The following DGKH variants were observed in gnomAD, a reference collection of about 807,000 sequenced individuals.
The protein encoded by DGKH is DAG kinase eta.
A neutral mutation model predicts 159.3 loss-of-function variants in DGKH; 90 were observed. The observed-to-expected ratio is 0.57, with a 90% CI of 0.48 to 0.67. The LOEUF is 0.67. DGKH is among the 30% of genes least tolerant of loss of function. The pLI is 0.00. For synonymous variants in DGKH, 536 were observed against 553.8 expected (o/e 0.97, Z 0.45); for missense variants, 1,181 against 1,506.1 (o/e 0.78, Z 3.57).
chr13:42,042,494 A>T (rs187560980), intron 1 of DGKH, among the ~76,000 whole-genome samples: 118 of 152,348 alleles, frequency 7.7e-4, no homozygotes, highest in Non-Finnish European at 1.5e-3. Context: ...CCCTAACATA[A>T]ATGTGTGAAT....
At chr13:42,165,005 T>C (rs1176445485) in intron 7 of DGKH, among the ~76,000 whole-genome samples, 1 of 152,076 alleles carries the variant, frequency 6.6e-6, no homozygotes, top group Non-Finnish European at 1.5e-5. Context: ...TTCTTCCTTT[T>C]CCCCTTCTTT....
At chr13:42,256,464 A>G in exon 31 of DGKH, 1 of 1,443,640 alleles carries the variant, frequency 6.9e-7, no homozygotes, top group Non-Finnish European at 9.7e-7. Context: ...ACTGTTATTG[A>G]ACTTGGCTAT....
At chr13:42,049,285 C>G (rs1440258608) in intron 1 of DGKH, among the ~76,000 whole-genome samples, 2 of 152,050 alleles carry the variant, frequency 1.3e-5, no homozygotes, top group African/African-American at 4.8e-5. Flanking sequence ...CCAGGGAGTT[C>G]GACTGGCAGA....
In DGKH at chr13:42,048,810, G is replaced by A; in HGVS notation, c.37G>A (p.Ala13Thr). The change falls in exon 1 of 30, where the codon GCC becomes ACC. Residue 13 changes from alanine (A) to threonine (T), a missense_variant. Transcript: ENST00000337343. This position sits in a 1 kb window ranked among gnomAD's most constrained non-coding sequence, Gnocchi z 6.7. ...CGGAGGCCAGCACCACCCTCCGGGC[G>A]CCGCTGGAGGAGCGGCCGCCGGAGC... The part of the protein sequence containing the change: ...GAGGQHHPPG[A>T]AGGAAAGAGA... 7.6e-7 allele frequency: 1 copy of A among 1,323,070 alleles called. No individual in the cohort carries two copies. Among genetic ancestry groups the A allele is most frequent in the Non-Finnish European group, 9.7e-7 (1 of 1,032,404 alleles). The allele number at this position is 1,323,070 out of a possible 1,614,324, so 82.0% of individuals were successfully genotyped here.
At chr13:42,222,147 C>T (rs972993405) in intron 29 of DGKH, among the ~76,000 whole-genome samples, 1 of 152,174 alleles carries the variant, frequency 6.6e-6, no homozygotes, top group African/African-American at 2.4e-5. Flanking sequence ...GAAGTAGGCT[C>T]TCTGGCCAAG....
At position 42,171,556 on chromosome 13, in the gene DGKH, C is replaced by G. The variant is rs530016403; in HGVS notation, c.1368-2504C>G. On this transcript the variant is annotated intron_variant, in intron 11 of 29. Coordinates refer to ENST00000337343, the MANE Select transcript of DGKH (RefSeq NM_178009.5). ...TCAGACATTTGGATGGATTTATTTA[C>G]CATTTATTTAACTGTCTTTGACCAG... Among the ~76,000 whole-genome samples the G allele has an allele frequency of 9.2e-5, 14 of 152,282 alleles. No homozygotes were observed. The South Asian group carries it at 1.0e-3, about 11-fold the overall frequency.
Position 42,070,507 on chromosome 13 carries a change from C to T in DGKH, c.192+21542C>T, listed in dbSNP as rs74050222. On this transcript the variant is annotated intron_variant, in intron 1 of 29. Coordinates refer to ENST00000337343, the MANE Select transcript of DGKH (RefSeq NM_178009.5). ...AAAGTAAAAGACATGGAGATCTGTA[C>T]CATTTAGTAACCAATCCTTCAAAAG... The T allele has an allele frequency of 4.6e-3, 6,043 of 1,307,868 alleles. 191 individuals carry two copies. In the African/African-American group the frequency reaches 0.072, roughly 16 times the overall value. 81.0% of individuals were successfully genotyped at this position (1,307,868 alleles called of 1,614,324 possible).
intron 1 of DGKH, among the ~76,000 whole-genome samples, chr13:42,083,928 C>T (rs1466299976): frequency 6.6e-6 from 1 of 152,104 alleles, no homozygotes; most frequent in Non-Finnish European, 1.5e-5. Context: ...ATGAACGACA[C>T]GGGGATGGGC....
chr13:42,201,796 G>A (rs1037268), intron 20 of DGKH, among the ~76,000 whole-genome samples: 19,319 of 151,956 alleles, frequency 0.13, 1,625 homozygotes, highest in Admixed American at 0.22. Context: ...GTGTTTCATC[G>A]TTACCGTATC....
chr13:42,050,303 G>A (rs61959192), intron 1 of DGKH, among the ~76,000 whole-genome samples: 55,632 of 152,044 alleles, frequency 0.37, 11,138 homozygotes, highest in African/African-American at 0.54. Context: ...CCCGGGAGGC[G>A]GAGGTTGTGG....
chr13:42,244,185 C>T (rs1218521905), downstream of DGKH, among the ~76,000 whole-genome samples: 1 of 152,074 alleles, frequency 6.6e-6, no homozygotes, highest in Admixed American at 6.6e-5. Flanking sequence ...GAGAGAGGTA[C>T]GGGAGGGAAA....
chr13:42,169,847 G>C (rs1193413614), intron 11 of DGKH, among the ~76,000 whole-genome samples: 1 of 152,078 alleles, frequency 6.6e-6, no homozygotes, highest in East Asian at 1.9e-4. Context: ...GTGCATAAAA[G>C]TTTATAATCT....
At chr13:42,120,871 T>G (rs1955054354) in intron 1 of DGKH, among the ~76,000 whole-genome samples, 1 of 152,152 alleles carries the variant, frequency 6.6e-6, no homozygotes, top group Admixed American at 6.5e-5. Context: ...TATTCACAAC[T>G]TTCAACAGAT....
chr13:42,251,273 C>A (rs1958618522), intron 29 of DGKH, among the ~76,000 whole-genome samples: 1 of 152,052 alleles, frequency 6.6e-6, no homozygotes, highest in South Asian at 2.1e-4. Flanking sequence ...CCCAGGAGTT[C>A]AAGACCAGCG....
rs1594117136 is a variant in DGKH, at chr13:42,160,095, C to T, written c.814C>T (p.Leu272Phe). Reference sequence around the variant, plus strand: ...CTGCGACAAAACATGTGGCAGTGTTCTCCGTCTACAGGATTGGAAATGCCT... The same window carrying T: ...CTGCGACAAAACATGTGGCAGTGTTTTCCGTCTACAGGATTGGAAATGCCT... ...AVCDKTCGSV[L>F]RLQDWKCLWC... The change falls in exon 7 of 30, where the codon CTC becomes TTC. Residue 272 changes from leucine (L) to phenylalanine (F), a missense_variant. Physicochemically the swap from Leu to Phe is conservative, Grantham distance 22 (BLOSUM62 0). Coordinates refer to ENST00000337343, the MANE Select transcript of DGKH (RefSeq NM_178009.5). The T allele has an allele frequency of 1.2e-6, 2 of 1,614,236 alleles. No homozygotes were observed. Among genetic ancestry groups the T allele is most frequent in the Non-Finnish European group, 1.7e-6 (2 of 1,180,050 alleles).
chr13:42,040,191 G>T (rs1017184257), intron 1 of DGKH: 1 of 152,336 alleles, frequency 6.6e-6, no homozygotes, highest in African/African-American at 2.4e-5. Flanking sequence ...CCTGCAGCGC[G>T]GGCCGCCAGC....
At chr13:42,140,005 T>C (rs1955502429) in intron 3 of DGKH, among the ~76,000 whole-genome samples, 1 of 152,188 alleles carries the variant, frequency 6.6e-6, no homozygotes, top group African/African-American at 2.4e-5. Flanking sequence ...ACAATCTTCT[T>C]AGAACTTGAG....
intron 3 of DGKH, among the ~76,000 whole-genome samples, chr13:42,131,385 G>A (rs934348662): frequency 2.6e-5 from 4 of 152,198 alleles, no homozygotes; most frequent in Non-Finnish European, 5.9e-5. Context: ...TGATTGCTGA[G>A]TAAGCTGACG....
chr13:42,169,462 C>T (rs927659766), intron 11 of DGKH, among the ~76,000 whole-genome samples: 1 of 152,076 alleles, frequency 6.6e-6, no homozygotes. Flanking sequence ...GTGTACCCTG[C>T]GTGTTATGGA....
Sources: allele counts gnomAD v4.1 joint callset (sites outside exome capture counted in the v4.1 genomes callset), GRCh38; gene constraint gnomAD v4.1.1; non-coding constraint Gnocchi (gnomAD v3.1); transcripts MANE v1.5; gene names NCBI Gene and HGNC (gene_info 2026-07-23, HGNC 2026-07-21).